Variants in SORCS1 observed in about 807,000 individuals in gnomAD.
SORCS1 encodes the protein sortilin related VPS10 domain containing receptor 1.
SORCS1 carries 60 observed loss-of-function variants against 146.1 expected under a neutral mutation model. The observed-to-expected ratio is 0.41, with a 90% CI of 0.33 to 0.51. SORCS1 has a LOEUF of 0.51. SORCS1 is among the 20% of genes least tolerant of loss of function. SORCS1 has a pLI of 0.21. For missense variants in SORCS1, 1,352 were observed against 1,487.6 expected, an observed-to-expected ratio of 0.91 and a Z score of 1.50; for synonymous variants, 637 against 584.0, an observed-to-expected ratio of 1.09 and a Z score of -1.31.
chr10:106,663,900 C>G (rs1933928224), intron 17 of SORCS1, among the ~76,000 whole-genome samples: 1 of 152,186 alleles, frequency 6.6e-6, no homozygotes, highest in Non-Finnish European at 1.5e-5. Flanking sequence ...TTTGGGTATT[C>G]ACTCCTCCAC....
At chr10:106,777,487 T>G (rs1052101387) in intron 3 of SORCS1, among the ~76,000 whole-genome samples, 1 of 152,200 alleles carries the variant, frequency 6.6e-6, no homozygotes, top group African/African-American at 2.4e-5. Context: ...CAGAACACTC[T>G]GAGATATGGA....
At chr10:106,949,118 TCC>T (rs1203755009) in intron 2 of SORCS1, among the ~76,000 whole-genome samples, 1 of 152,136 alleles carries the variant, frequency 6.6e-6, no homozygotes, top group Non-Finnish European at 1.5e-5. Flanking sequence ...CTTGACTAGC[TCC>T]CTTAGACTCT....
At chr10:106,664,101 T>C (rs1850944921) in intron 17 of SORCS1, among the ~76,000 whole-genome samples, 1 of 152,210 alleles carries the variant, frequency 6.6e-6, no homozygotes, top group Admixed American at 6.5e-5. Flanking sequence ...TGCTATCGTG[T>C]AATACCCACA....
At chr10:107,176,018 T>G in the SORCS1 span, among the ~76,000 whole-genome samples, 1 of 152,332 alleles carries the variant, frequency 6.6e-6, no homozygotes, top group African/African-American at 2.4e-5. Flanking sequence ...TTTGCTTTAT[T>G]TCTGCTTATA....
At chr10:107,104,362 G>T (rs923303338) in intron 1 of SORCS1, among the ~76,000 whole-genome samples, 2 of 152,190 alleles carry the variant, frequency 1.3e-5, no homozygotes, top group African/African-American at 4.8e-5. Context: ...AGTTCCAAAA[G>T]AAGTCTGGAA....
At chr10:106,712,674 G>A (rs1409375484) in intron 6 of SORCS1, among the ~76,000 whole-genome samples, 1 of 152,196 alleles carries the variant, frequency 6.6e-6, no homozygotes, top group East Asian at 1.9e-4. Flanking sequence ...TAGTTGTTAT[G>A]ATTAAGAATG....
chr10:106,646,983 G>GTA (rs1034069535), intron 18 of SORCS1, among the ~76,000 whole-genome samples: 2 of 123,310 alleles, frequency 1.6e-5, no homozygotes, highest in East Asian at 4.6e-4. Context: ...ACATATATAT[G>GTA]TATATATATG....
chr10:106,919,577 C>A (rs1952605922), intron 2 of SORCS1, among the ~76,000 whole-genome samples: 2 of 152,114 alleles, frequency 1.3e-5, no homozygotes, highest in South Asian at 4.1e-4. Context: ...ACCCGCAATA[C>A]CATAGAGCAT....
chr10:106,698,461 C>T (rs569075509), intron 9 of SORCS1, among the ~76,000 whole-genome samples: 32 of 152,130 alleles, frequency 2.1e-4, no homozygotes, highest in Non-Finnish European at 4.4e-4. Flanking sequence ...TCTTTCATAG[C>T]GCATGATAAG....
intron 1 of SORCS1, among the ~76,000 whole-genome samples, chr10:107,104,072 G>A (rs1039758731): frequency 1.1e-4 from 17 of 152,144 alleles, no homozygotes; most frequent in African/African-American, 4.1e-4. Context: ...CAAAGAGAAT[G>A]TACTGCCGGT....
intron 2 of SORCS1, among the ~76,000 whole-genome samples, chr10:106,871,026 T>C (rs1195515807): frequency 1.3e-5 from 2 of 151,874 alleles, no homozygotes; most frequent in Admixed American, 6.6e-5. Flanking sequence ...ACAACCCCAT[T>C]AAAAAGTGGG....
chr10:106,607,067 T>A, intron 23 of SORCS1, 99 bp downstream of exon 23: 1 of 1,490,136 alleles, frequency 6.7e-7, no homozygotes, highest in East Asian at 2.3e-5. Flanking sequence ...GAAGCTGTAG[T>A]TAGGATCACC....
At chr10:106,889,444 T>C (rs149613180) in intron 2 of SORCS1, among the ~76,000 whole-genome samples, 1 of 152,228 alleles carries the variant, frequency 6.6e-6, no homozygotes, top group African/African-American at 2.4e-5. Context: ...GAGCCCCAGG[T>C]AATTTGTGTG....
chr10:106,671,301 G>C lies in SORCS1; in HGVS notation c.2125C>G (p.Gln709Glu), dbSNP rs1001157004. 2 of 1,614,130 alleles carry C rather than the reference G, an allele frequency of 1.2e-6. No individual in the cohort carries two copies. The highest frequency in any genetic ancestry group is 1.7e-5 in the Admixed American group (1 of 60,022). The stretch of plus-strand genomic sequence containing the variant: ...TCCATAGCTCCTGCATATTTTCCTT[G>C]CATACACTTCCGCTCTGATTTTCGC... ...KKRKSERKCM[Q>E]GKYAGAMESE... Residue 709 changes from glutamine to glutamate, a missense_variant, in exon 16 of 26, where the codon CAA becomes GAA. Gln to Glu is a conservative substitution (Grantham distance 29). Transcript: ENST00000263054.
At chr10:106,592,516 CCAA>C (rs1234787894) in intron 24 of SORCS1, among the ~76,000 whole-genome samples, 1 of 152,220 alleles carries the variant, frequency 6.6e-6, no homozygotes, top group Non-Finnish European at 1.5e-5. Context: ...GCTTCTCTCA[CCAA>C]CAACATACTC....
intron 2 of SORCS1, among the ~76,000 whole-genome samples, chr10:106,895,782 G>A (rs1951449722): frequency 6.6e-6 from 1 of 152,150 alleles, no homozygotes. Flanking sequence ...CCCACTCTTA[G>A]GTGTATGTCC....
At chr10:106,597,553 TA>T in intron 23 of SORCS1, 103 bp from the exon 24 acceptor site, 1 of 790,396 alleles carries the variant, frequency 1.3e-6, no homozygotes, top group South Asian at 1.6e-5. Flanking sequence ...CACAATATTA[TA>T]CCCGTGAGTT....
intron 17 of SORCS1, among the ~76,000 whole-genome samples, chr10:106,657,661 ATGTGTGTGTG>A (rs10561308): frequency 7.6e-5 from 11 of 145,326 alleles, no homozygotes; most frequent in East Asian, 2.0e-4. Context: ...ATAACACTAT[ATGTGTGTGTG>A]TGTGTGTGTG....
chr10:106,630,305 T>A (rs7092074), intron 18 of SORCS1, among the ~76,000 whole-genome samples: 5 of 152,186 alleles, frequency 3.3e-5, no homozygotes, highest in Admixed American at 3.3e-4. Context: ...GCTATCAAAA[T>A]GATCTCATGT....
Sources: gnomAD v4.1 joint callset for allele counts (sites outside exome capture counted in the v4.1 genomes callset) on GRCh38, gnomAD v4.1.1 for gene constraint, MANE v1.5 for transcripts, NCBI Gene and HGNC (gene_info 2026-07-23, HGNC 2026-07-21) for gene names.